The following LHFPL3 variants were observed in gnomAD, a reference collection of about 807,000 sequenced individuals.
LHFPL3 encodes the protein LHFPL tetraspan subfamily member 3 protein.
LHFPL3 carries 5 observed loss-of-function variants against 19.3 expected under a neutral mutation model. The ratio of observed to expected loss-of-function variants is 0.26; its 90% CI spans 0.14 to 0.54. The LOEUF is 0.54. LHFPL3 is among the 20% of genes least tolerant of loss of function. The pLI, the probability that LHFPL3 is intolerant of heterozygous loss-of-function variation, is 0.94. For missense variants in LHFPL3, 249 were observed against 307.4 expected, an observed-to-expected ratio of 0.81 and a Z score of 1.42; for synonymous variants, 133 against 126.2, an observed-to-expected ratio of 1.05 and a Z score of -0.36.
intron 1 of LHFPL3, among the ~76,000 whole-genome samples, chr7:104,384,589 C>A (rs888361463): frequency 3.3e-5 from 5 of 151,472 alleles, no homozygotes; most frequent in Non-Finnish European, 4.4e-5. Context: ...GAGTTTGAGA[C>A]CAGCCTGATC....
intron 1 of LHFPL3, among the ~76,000 whole-genome samples, chr7:104,629,254 G>A (rs762503331): frequency 2.6e-5 from 4 of 151,964 alleles, no homozygotes; most frequent in South Asian, 2.1e-4. Context: ...CTGACATCAC[G>A]GGTGTTCATA....
chr7:104,830,048 T>C (rs1224426230), intron 2 of LHFPL3, among the ~76,000 whole-genome samples: 2 of 152,004 alleles, frequency 1.3e-5, no homozygotes, highest in South Asian at 2.1e-4. Flanking sequence ...TGGTGTCTCA[T>C]TGTGGTTTTG....
intron 2 of LHFPL3, among the ~76,000 whole-genome samples, chr7:104,833,038 T>TATACTATATATAATAG (rs1790998103): frequency 4.6e-5 from 1 of 21,608 alleles, no homozygotes; most frequent in Non-Finnish European, 6.8e-5. Context: ...ATATTATATA[T>TATACTATATATAATAG]ATATATTATA....
intron 2 of LHFPL3, among the ~76,000 whole-genome samples, chr7:104,805,434 G>A (rs574814755): frequency 6.6e-6 from 1 of 152,340 alleles, no homozygotes; most frequent in African/African-American, 2.4e-5. Flanking sequence ...CTGTAGCAAT[G>A]TAGTGATGTT....
chr7:104,801,034 G>A (rs1790235041), intron 2 of LHFPL3, among the ~76,000 whole-genome samples: 1 of 152,206 alleles, frequency 6.6e-6, no homozygotes, highest in Non-Finnish European at 1.5e-5. Flanking sequence ...TATGTTTCCA[G>A]TTTCCCAAGG....
At chr7:104,554,349 G>T (rs1271544950) in intron 1 of LHFPL3, among the ~76,000 whole-genome samples, 1 of 151,174 alleles carries the variant, frequency 6.6e-6, no homozygotes, top group African/African-American at 2.4e-5. Context: ...AAATTTATTT[G>T]CCATCAAGTT....
At chr7:104,509,372 T>C (rs1038712460) in intron 1 of LHFPL3, among the ~76,000 whole-genome samples, 1 of 152,012 alleles carries the variant, frequency 6.6e-6, no homozygotes, top group Admixed American at 6.6e-5. Context: ...GAACGATATG[T>C]ATAAAGAATT....
chr7:104,374,715 T>A (rs1458358867), intron 1 of LHFPL3, among the ~76,000 whole-genome samples: 1 of 152,168 alleles, frequency 6.6e-6, no homozygotes, highest in Non-Finnish European at 1.5e-5. Context: ...TACCAAACTC[T>A]CTGTGGTTGG....
At chr7:104,390,497 T>TAC (rs1443812951) in intron 1 of LHFPL3, among the ~76,000 whole-genome samples, 1 of 152,168 alleles carries the variant, frequency 6.6e-6, no homozygotes, top group African/African-American at 2.4e-5. Flanking sequence ...TCCATGTCCC[T>TAC]ACAAAGGACA....
intron 1 of LHFPL3, among the ~76,000 whole-genome samples, chr7:104,484,229 G>A (rs1793195012): frequency 6.6e-6 from 1 of 152,072 alleles, no homozygotes; most frequent in African/African-American, 2.4e-5. Context: ...TCGTTTACCT[G>A]TGGCTCCAAA....
At chr7:104,887,542 G>A (rs1246563081) in intron 2 of LHFPL3, among the ~76,000 whole-genome samples, 1 of 152,210 alleles carries the variant, frequency 6.6e-6, no homozygotes, top group Non-Finnish European at 1.5e-5. Context: ...GTAAGGGATG[G>A]TGATTCCCTG....
At chr7:104,867,189 A>G (rs1194792499) in intron 2 of LHFPL3, among the ~76,000 whole-genome samples, 1 of 152,208 alleles carries the variant, frequency 6.6e-6, no homozygotes, top group East Asian at 1.9e-4. Flanking sequence ...GAGCAAGCAC[A>G]TTCAAAAGCT....
At chr7:104,617,539 T>G (rs1011144488) in intron 1 of LHFPL3, among the ~76,000 whole-genome samples, 1 of 152,198 alleles carries the variant, frequency 6.6e-6, no homozygotes, top group Non-Finnish European at 1.5e-5. Context: ...TGAGAAAACA[T>G]CTGGATACAA....
chr7:104,632,262 C>A (rs1206810058), intron 1 of LHFPL3, among the ~76,000 whole-genome samples: 2 of 152,168 alleles, frequency 1.3e-5, no homozygotes, highest in African/African-American at 2.4e-5. Context: ...ACAAGACTTG[C>A]AGTCATCCCT....
At chr7:104,779,934 TTAATC>T (rs1443354719) in intron 2 of LHFPL3, among the ~76,000 whole-genome samples, 4 of 152,288 alleles carry the variant, frequency 2.6e-5, no homozygotes, top group Middle Eastern at 3.4e-3. Context: ...TAGCTAAACT[TTAATC>T]TATGTGATGG....
chr7:104,715,899 C>T lies in LHFPL3; in HGVS notation c.446-20776C>T, dbSNP rs957397537. Among the ~76,000 whole-genome samples the T allele has an allele frequency of 5.3e-5, 8 of 152,236 alleles. No homozygotes were observed. In the South Asian group the frequency reaches 1.5e-3, roughly 28 times the overall value. On this transcript the variant is annotated intron_variant, in intron 1 of 2. Coordinates refer to ENST00000424859, the MANE Select transcript of LHFPL3 (RefSeq NM_199000.3). ...CTGGCTTTGGCGTCAGAGTAATATT[C>T]GCCTCATAAAATAAGCCTGGAAGTG...
At position 104,707,357 on chromosome 7, in the gene LHFPL3, A is replaced by G. The variant is rs552034535; in HGVS notation, c.446-29318A>G. Among the ~76,000 whole-genome samples the G allele has an allele frequency of 5.9e-5, 9 of 152,266 alleles. No individual in the cohort carries two copies. The East Asian group carries it at 1.2e-3, about 20-fold the overall frequency. On this transcript the variant is annotated intron_variant, in intron 1 of 2. Coordinates refer to ENST00000424859, the MANE Select transcript of LHFPL3 (RefSeq NM_199000.3). ...AAAACAAACACCATCATTACCCCCA[A>G]CCAGGCTTGGATACTTACTGGTCAA...
intron 1 of LHFPL3, among the ~76,000 whole-genome samples, chr7:104,434,499 G>T (rs1465558288): frequency 7.9e-5 from 12 of 152,278 alleles, no homozygotes; most frequent in African/African-American, 2.6e-4. Flanking sequence ...TTAATGGACT[G>T]GTTTCAATGT....
At chr7:104,590,106 A>G (rs150586069) in intron 1 of LHFPL3, among the ~76,000 whole-genome samples, 7 of 151,836 alleles carry the variant, frequency 4.6e-5, no homozygotes, top group African/African-American at 7.3e-5. Flanking sequence ...TTGTGTCTCT[A>G]TCTCCTTCAG....
Sources: gnomAD v4.1 joint callset for allele counts (sites outside exome capture counted in the v4.1 genomes callset) on GRCh38, gnomAD v4.1.1 for gene constraint, MANE v1.5 for transcripts, NCBI Gene and HGNC (gene_info 2026-07-23, HGNC 2026-07-21) for gene names.